The following MXRA7 variants were observed in gnomAD, a reference collection of about 807,000 sequenced individuals.
MXRA7 encodes matrix-remodeling-associated protein 7.
In MXRA7, 18 loss-of-function variants were observed where a neutral mutation model predicts 17.4. That is an observed-to-expected ratio of 1.03 (90% CI 0.71 to 1.53). MXRA7 has a LOEUF of 1.53. MXRA7 is among the 40% of genes most tolerant of loss of function. MXRA7 has a pLI of 0.00. For missense variants in MXRA7, 141 were observed against 209.3 expected (o/e 0.67, Z 2.01); for synonymous variants, 70 against 101.7 (o/e 0.69, Z 1.87).
intron 1 of MXRA7, among the ~76,000 whole-genome samples, chr17:76,697,649 A>G (rs1295264093): frequency 2.0e-5 from 3 of 152,056 alleles, no homozygotes; most frequent in East Asian, 3.9e-4. Context: ...TTTCCCTCCA[A>G]TGGAGGAGGT....
intron 3 of MXRA7, among the ~76,000 whole-genome samples, chr17:76,683,265 C>G (rs575231038): frequency 2.4e-4 from 37 of 152,328 alleles, no homozygotes; most frequent in African/African-American, 8.4e-4. Context: ...TGACTCACCT[C>G]GGCCACTGCG....
chr17:76,710,496 G>T, intron 1 of MXRA7, 109 bp downstream of exon 1: 1 of 942,156 alleles, frequency 1.1e-6, no homozygotes, highest in Non-Finnish European at 1.4e-6. Context: ...GCTTCCTGGG[G>T]GCAGCCTGGG....
intron 2 of MXRA7, among the ~76,000 whole-genome samples, chr17:76,686,644 T>C (rs2076401535): frequency 6.6e-6 from 1 of 152,174 alleles, no homozygotes; most frequent in Non-Finnish European, 1.5e-5. Context: ...AGGCAGCGCA[T>C]CCAGTTTTGC....
rs56067261 is a variant in MXRA7 at position 76,707,291 on chromosome 17, C to CTT, written c.342+3312_342+3313dup. Among the ~76,000 whole-genome samples the CTT allele has an allele frequency of 1.4e-4, 13 of 96,120 alleles. 2 individuals are homozygous for CTT. Among genetic ancestry groups the CTT allele is most frequent in the African/African-American group, 5.2e-4 (11 of 21,082 alleles). The allele number at this position is 96,120 out of a possible 152,430, so 63.1% of individuals were successfully genotyped here. On this transcript the variant is annotated intron_variant, in intron 1 of 3. Transcript: ENST00000449428. ...CACTGCCTTGCAGGAAGTCCCTACT[C>CTT]TTTTTTTTTTTTTTTTTTTTTTTTT...
At chr17:76,707,877 C>T (rs571793420) in intron 1 of MXRA7, among the ~76,000 whole-genome samples, 1 of 152,336 alleles carries the variant, frequency 6.6e-6, no homozygotes, top group South Asian at 2.1e-4. Context: ...ACTTCGTTGG[C>T]TCATGATTCT....
At chr17:76,692,724 A>G (rs2076490744) in intron 1 of MXRA7, among the ~76,000 whole-genome samples, 1 of 152,234 alleles carries the variant, frequency 6.6e-6, no homozygotes, top group South Asian at 2.1e-4. Flanking sequence ...ATGTACCAAA[A>G]AATGACATTT....
intron 1 of MXRA7, among the ~76,000 whole-genome samples, chr17:76,702,547 C>T (rs1290545405): frequency 6.6e-6 from 1 of 151,978 alleles, no homozygotes; most frequent in East Asian, 1.9e-4. Flanking sequence ...GACAAGTGGT[C>T]AGTTTTTAAA....
At chr17:76,677,154 TGA>T (rs2076246714), downstream of MXRA7, 1 of 155,458 alleles carries the variant, frequency 6.4e-6, no homozygotes, top group East Asian at 1.9e-4. Flanking sequence ...TAGCCAGGTG[TGA>T]TGGTGCATGC....
At chr17:76,694,892 G>A (rs535513941) in intron 1 of MXRA7, among the ~76,000 whole-genome samples, 4 of 152,148 alleles carry the variant, frequency 2.6e-5, no homozygotes, top group South Asian at 2.1e-4. Flanking sequence ...AACGGGGGCC[G>A]GGGGCCTGTA....
chr17:76,688,677 G>A, intron 1 of MXRA7: 1 of 1,238,732 alleles, frequency 8.1e-7, no homozygotes, highest in Non-Finnish European at 1.0e-6. Context: ...CACCTCTTCA[G>A]CCAGTTCTCT....
intron 1 of MXRA7, 72 bp downstream of exon 1, chr17:76,710,533 C>G (rs1053601043): frequency 2.4e-5 from 28 of 1,182,786 alleles, no homozygotes; most frequent in Non-Finnish European, 2.9e-5. Flanking sequence ...CGCTCCCTGG[C>G]TCGGCGGGGA....
chr17:76,701,673 A>G (rs2076592474), intron 1 of MXRA7, among the ~76,000 whole-genome samples: 1 of 151,454 alleles, frequency 6.6e-6, no homozygotes, highest in African/African-American at 2.4e-5. Context: ...AGGAGGGAGT[A>G]TGTTGTGGGT....
chr17:76,710,519 GC>G, intron 1 of MXRA7, 85 bp downstream of exon 1: 1 of 1,115,244 alleles, frequency 9.0e-7, no homozygotes. Context: ...GGAGGCCGCG[GC>G]CCCGCTCCCT....
chr17:76,709,004 C>T (rs546676480), intron 1 of MXRA7, among the ~76,000 whole-genome samples: 21 of 152,184 alleles, frequency 1.4e-4, no homozygotes, highest in Non-Finnish European at 2.9e-4. Context: ...GCAAATTATG[C>T]GAGTGGCCCT....
At chr17:76,698,043 A>G (rs1307154283) in intron 1 of MXRA7, among the ~76,000 whole-genome samples, 1 of 152,046 alleles carries the variant, frequency 6.6e-6, no homozygotes, top group Non-Finnish European at 1.5e-5. Context: ...GGGCAGTGCA[A>G]AGAAGGTCTC....
intron 1 of MXRA7, among the ~76,000 whole-genome samples, chr17:76,696,429 G>A (rs1242650928): frequency 6.6e-6 from 1 of 152,130 alleles, no homozygotes; most frequent in Non-Finnish European, 1.5e-5. Flanking sequence ...GCTGAGGTGG[G>A]AGGATCGCTT....
chr17:76,676,684 A>G (rs2076243582), downstream of MXRA7: 1 of 152,218 alleles, frequency 6.6e-6, no homozygotes, highest in African/African-American at 2.4e-5. Context: ...AATCACTTGA[A>G]CCCAGAAGGT....
intron 1 of MXRA7, among the ~76,000 whole-genome samples, chr17:76,698,598 C>G (rs1349076162): frequency 6.6e-6 from 1 of 152,126 alleles, no homozygotes; most frequent in African/African-American, 2.4e-5. Context: ...CCTAGTAACC[C>G]AAGTCTCAAA....
chr17:76,706,754 C>T (rs888956022), intron 1 of MXRA7, among the ~76,000 whole-genome samples: 3 of 152,208 alleles, frequency 2.0e-5, no homozygotes, highest in African/African-American at 7.2e-5. Context: ...AAAACCAACC[C>T]CTTTCCCAAG....
Sources: allele counts gnomAD v4.1 joint callset (sites outside exome capture counted in the v4.1 genomes callset), GRCh38; gene constraint gnomAD v4.1.1; transcripts MANE v1.5; gene names NCBI Gene and HGNC (gene_info 2026-07-23, HGNC 2026-07-21).